Variants in NAV2 observed in about 807,000 individuals in gnomAD.
NAV2 encodes neuron navigator 2, also known as helicase, APC down-regulated 1.
In NAV2, 54 loss-of-function variants were observed where a neutral mutation model predicts 223.2. That is an observed-to-expected ratio of 0.24 (90% CI 0.19 to 0.30). The LOEUF (loss-of-function observed/expected upper bound fraction) is 0.30, where lower values mean the gene tolerates loss of function less well. Ranked by LOEUF, NAV2 falls within the 10% of genes least tolerant of loss-of-function variation. The pLI is 1.00. For synonymous variants in NAV2, 1,279 were observed against 1,239.3 expected (o/e 1.03, Z -0.67); for missense variants, 2,806 against 3,147.5 (o/e 0.89, Z 2.60).
chr11:19,875,057 T>A lies in NAV2; in HGVS notation c.512-4812T>A, dbSNP rs2062754682. On this transcript the variant is annotated intron_variant, in intron 4 of 37. Transcript: ENST00000349880. ...CTATAATCCCAGCTACTCAGGAGGC[T>A]GACTCAGGAGAATCACTTGAATCCA... 2.6e-5 allele frequency among the ~76,000 whole-genome samples: 4 copies of A among 152,304 alleles called. No individual in the cohort carries two copies. In the South Asian group the frequency reaches 8.3e-4, roughly 32 times the overall value.
intron 10 of NAV2, among the ~76,000 whole-genome samples, chr11:19,957,776 T>G (rs1448489272): frequency 1.3e-5 from 2 of 152,264 alleles, no homozygotes; most frequent in East Asian, 3.9e-4. Context: ...AGACCTGGAT[T>G]AAAAAGAGAT....
chr11:19,824,296 T>G (rs2059540598), intron 1 of NAV2, among the ~76,000 whole-genome samples: 1 of 152,214 alleles, frequency 6.6e-6, no homozygotes, highest in South Asian at 2.1e-4. Context: ...GGTCCACACC[T>G]ACACCTGAGA....
At chr11:19,464,002 A>G (rs923411361) in intron 1 of NAV2, among the ~76,000 whole-genome samples, 3 of 152,222 alleles carry the variant, frequency 2.0e-5, no homozygotes, top group East Asian at 1.9e-4. Flanking sequence ...AAAGAAGCCA[A>G]TAGGCAAGAA....
intron 1 of NAV2, among the ~76,000 whole-genome samples, chr11:19,591,821 C>T (rs2046071015): frequency 6.6e-6 from 1 of 152,182 alleles, no homozygotes; most frequent in African/African-American, 2.4e-5. Flanking sequence ...CCTGGGACCC[C>T]AAGACCCACA....
chr11:19,630,236 C>T (rs1238430152), intron 1 of NAV2, among the ~76,000 whole-genome samples: 2 of 152,214 alleles, frequency 1.3e-5, no homozygotes, highest in African/African-American at 4.8e-5. Flanking sequence ...ATATCTCCAT[C>T]ATCAATATCT....
At chr11:19,483,131 G>T (rs761531419) in intron 1 of NAV2, among the ~76,000 whole-genome samples, 6 of 152,208 alleles carry the variant, frequency 3.9e-5, no homozygotes, top group Non-Finnish European at 7.3e-5. Context: ...ACAATTTGTT[G>T]TAGGCAAGTA....
chr11:19,469,996 G>C (rs560944835), intron 1 of NAV2, among the ~76,000 whole-genome samples: 45 of 152,370 alleles, frequency 3.0e-4, no homozygotes, highest in African/African-American at 1.1e-3. Flanking sequence ...GTGGCCACAG[G>C]CCATGTCAGG....
chr11:20,103,344 C>T lies in NAV2; in HGVS notation c.6507C>T (p.Asn2169=), dbSNP rs748398197. 4.5e-5 allele frequency: 72 copies of T among 1,614,062 alleles called. 2 individuals are homozygous for T. The South Asian group carries it at 7.8e-4, about 17-fold the overall frequency. The change falls in exon 33 of 38, where the codon AAC becomes AAT. Residue 2169 remains asparagine, a synonymous_variant. Transcript: ENST00000349880. ...VDMPLVIILD[N]LHHVSSLGEI... is the part of the protein sequence containing the mutation. ...TGCCCCTCGTCATCATCCTGGACAA[C>T]CTACACCACGTGAGCTCTCTGGGAG...
intron 1 of NAV2, among the ~76,000 whole-genome samples, chr11:19,763,005 C>G (rs942039386): frequency 6.6e-6 from 1 of 152,170 alleles, no homozygotes; most frequent in Non-Finnish European, 1.5e-5. Context: ...CTTCATACTT[C>G]TTAGCACACT....
intron 1 of NAV2, chr11:19,510,893 G>A (rs900317873): frequency 6.6e-6 from 1 of 152,220 alleles, no homozygotes; most frequent in Non-Finnish European, 1.5e-5. Flanking sequence ...AGGACTTAGG[G>A]TTATGAGGTT....
chr11:19,823,952 G>A (rs962755128), intron 1 of NAV2, among the ~76,000 whole-genome samples: 3 of 152,056 alleles, frequency 2.0e-5, no homozygotes, highest in Non-Finnish European at 4.4e-5. Context: ...AAGTGCAATT[G>A]TGTTAATTAA....
chr11:19,823,739 A>C (rs886883433), intron 1 of NAV2, among the ~76,000 whole-genome samples: 1 of 152,164 alleles, frequency 6.6e-6, no homozygotes, highest in South Asian at 2.1e-4. Context: ...ACTATCATTT[A>C]TAGTGACGTC....
At chr11:19,748,352 A>G (rs1218945019) in intron 1 of NAV2, among the ~76,000 whole-genome samples, 1 of 152,236 alleles carries the variant, frequency 6.6e-6, no homozygotes, top group Non-Finnish European at 1.5e-5. Flanking sequence ...TGAAGGCACA[A>G]GAGACCTGGA....
chr11:19,876,940 T>A (rs1188438170), intron 4 of NAV2, among the ~76,000 whole-genome samples: 1 of 143,932 alleles, frequency 6.9e-6, no homozygotes, highest in Non-Finnish European at 1.5e-5. Flanking sequence ...TTATATATAT[T>A]TATATATTTA....
chr11:20,058,884 T>A (rs2058524705), intron 19 of NAV2, among the ~76,000 whole-genome samples: 1 of 152,212 alleles, frequency 6.6e-6, no homozygotes, highest in African/African-American at 2.4e-5. Context: ...GCTCACTCAA[T>A]GGTAGCTATT....
At chr11:19,482,508 C>T (rs2042311113) in intron 1 of NAV2, among the ~76,000 whole-genome samples, 4 of 152,298 alleles carry the variant, frequency 2.6e-5, no homozygotes, top group Non-Finnish European at 5.9e-5. Context: ...TGCTTGAAGA[C>T]ATATGTGAAT....
intron 1 of NAV2, among the ~76,000 whole-genome samples, chr11:19,635,132 A>C (rs1590742020): frequency 1.3e-5 from 2 of 152,270 alleles, no homozygotes; most frequent in East Asian, 1.9e-4. Context: ...CCCCAGGAGG[A>C]AACGGAAATT....
At chr11:19,874,567 G>A (rs977099543) in intron 4 of NAV2, among the ~76,000 whole-genome samples, 1 of 152,190 alleles carries the variant, frequency 6.6e-6, no homozygotes, top group Non-Finnish European at 1.5e-5. Context: ...TTCCTGTGGA[G>A]CTGGCTTACC....
At chr11:19,429,065 T>C (rs1386852818) in intron 1 of NAV2, among the ~76,000 whole-genome samples, 1 of 152,196 alleles carries the variant, frequency 6.6e-6, no homozygotes, top group African/African-American at 2.4e-5. Flanking sequence ...CATCCTTTTC[T>C]ACCCGATTGC....
Sources: gnomAD v4.1 joint callset for allele counts (sites outside exome capture counted in the v4.1 genomes callset) on GRCh38, gnomAD v4.1.1 for gene constraint, MANE v1.5 for transcripts, NCBI Gene and HGNC (gene_info 2026-07-23, HGNC 2026-07-21) for gene names.